Variants in SCAI observed in about 807,000 individuals in gnomAD.
SCAI encodes suppressor of cancer cell invasion, also known as protein SCAI.
SCAI carries 24 observed loss-of-function variants against 92.2 expected under a neutral mutation model. That is an observed-to-expected ratio of 0.26 (90% confidence interval 0.19 to 0.37). The LOEUF (loss-of-function observed/expected upper bound fraction) is 0.37, where lower values mean the gene tolerates loss of function less well. Ranked by LOEUF, SCAI falls within the 10% of genes least tolerant of loss-of-function variation. The pLI is 1.00. For missense variants in SCAI, 450 were observed against 736.2 expected (o/e 0.61, Z 4.50); for synonymous variants, 261 against 258.6 (o/e 1.01, Z -0.09).
chr9:124,991,552 T>C (rs1425939555), intron 14 of SCAI, among the ~76,000 whole-genome samples: 1 of 151,140 alleles, frequency 6.6e-6, no homozygotes, highest in Non-Finnish European at 1.5e-5. Context: ...CATTAAAAAC[T>C]TGCAGGTCGG....
chr9:125,025,777 AAGG>A (rs1190919259), intron 6 of SCAI, among the ~76,000 whole-genome samples: 1 of 152,240 alleles, frequency 6.6e-6, no homozygotes, highest in Non-Finnish European at 1.5e-5. Context: ...CAAGGAAATT[AAGG>A]AGATTTACAA....
intron 2 of SCAI, among the ~76,000 whole-genome samples, chr9:125,084,240 G>A (rs147258305): frequency 0.025 from 3,240 of 129,418 alleles, 133 homozygotes; most frequent in African/African-American, 0.091. Context: ...GCGCTATCTC[G>A]GCTCACTGCA....
chr9:124,948,794 C>T lies in SCAI; in HGVS notation c.*4013G>A, dbSNP rs1831191734. ...GAGAGACTATCAGAATCTCCAGGGA[C>T]AGTTTGTGCAATTTGAAAACAAAGG... On this transcript the variant is annotated 3_prime_UTR_variant, in exon 18 of 18. Transcript: ENST00000336505. 1 of 152,200 alleles carries T rather than the reference C, an allele frequency of 6.6e-6. No homozygotes were observed. The highest frequency in any genetic ancestry group is 6.5e-5 in the Admixed American group (1 of 15,280). The allele number at this position is 152,200 out of a possible 1,614,324, so 9.4% of individuals were successfully genotyped here. A position where few individuals can be genotyped will look rare whatever the true frequency, so the allele number is the denominator to read the frequency against.
chr9:125,131,694 T>A (rs1835404249), intron 2 of SCAI, among the ~76,000 whole-genome samples: 1 of 152,234 alleles, frequency 6.6e-6, no homozygotes, highest in Non-Finnish European at 1.5e-5. Flanking sequence ...AACTGAATTT[T>A]AGCTTTATGC....
intron 9 of SCAI, among the ~76,000 whole-genome samples, chr9:125,009,261 T>G (rs976496194): frequency 6.6e-6 from 1 of 152,186 alleles, no homozygotes; most frequent in Admixed American, 6.5e-5. Flanking sequence ...TTTACAGCTT[T>G]GGATTTTTAT....
intron 6 of SCAI, among the ~76,000 whole-genome samples, chr9:125,024,150 A>G (rs1035905550): frequency 2.0e-5 from 3 of 151,264 alleles, no homozygotes; most frequent in Non-Finnish European, 4.4e-5. Context: ...CTTTCCCCCT[A>G]CCTTTTATTG....
intron 3 of SCAI, among the ~76,000 whole-genome samples, chr9:125,030,174 A>T (rs970158152): frequency 6.6e-6 from 1 of 152,168 alleles, no homozygotes; most frequent in East Asian, 1.9e-4. Context: ...TCCTCTCCCT[A>T]TAAGATAAAT....
chr9:125,132,131 TGAGACAGCGTCATGC>T (rs1835415447), intron 2 of SCAI, among the ~76,000 whole-genome samples: 1 of 150,990 alleles, frequency 6.6e-6, no homozygotes. Context: ...TTTTTTTTTT[TGAGACAGCGTCATGC>T]TCTGTCACCC....
intron 2 of SCAI, among the ~76,000 whole-genome samples, chr9:125,090,596 T>C (rs1050591635): frequency 6.6e-6 from 1 of 152,166 alleles, no homozygotes; most frequent in African/African-American, 2.4e-5. Flanking sequence ...ACTGTCACTA[T>C]CCTAATCTAA....
intron 2 of SCAI, among the ~76,000 whole-genome samples, chr9:125,116,480 G>C (rs1325048389): frequency 6.6e-6 from 1 of 151,934 alleles, no homozygotes; most frequent in Non-Finnish European, 1.5e-5. Flanking sequence ...AACAGAAAAA[G>C]GGATACCAGG....
intron 2 of SCAI, among the ~76,000 whole-genome samples, chr9:125,114,595 C>A (rs576897447): frequency 6.6e-6 from 1 of 151,850 alleles, no homozygotes; most frequent in Admixed American, 6.6e-5. Context: ...AGCTATATAA[C>A]CTGAAGGACC....
intron 2 of SCAI, among the ~76,000 whole-genome samples, chr9:125,095,622 G>T (rs1834531928): frequency 6.6e-6 from 1 of 152,218 alleles, no homozygotes; most frequent in Non-Finnish European, 1.5e-5. Flanking sequence ...GGAACTAAAT[G>T]ATGGCCAGTG....
intron 6 of SCAI, among the ~76,000 whole-genome samples, chr9:125,021,665 A>C (rs756566050): frequency 1.3e-5 from 2 of 152,174 alleles, no homozygotes; most frequent in African/African-American, 4.8e-5. Context: ...GCCTTACAAC[A>C]GTGTATTTTT....
intron 2 of SCAI, among the ~76,000 whole-genome samples, chr9:125,095,415 A>G (rs924924486): frequency 6.6e-6 from 1 of 152,262 alleles, no homozygotes; most frequent in African/African-American, 2.4e-5. Context: ...AAGACAAAAA[A>G]TACATGCTTA....
At chr9:125,058,172 G>A (rs1435244897) in intron 2 of SCAI, among the ~76,000 whole-genome samples, 1 of 152,054 alleles carries the variant, frequency 6.6e-6, no homozygotes, top group African/African-American at 2.4e-5. Flanking sequence ...ACTTGGCAGA[G>A]AAGGGAGATG....
intron 3 of SCAI, among the ~76,000 whole-genome samples, chr9:125,041,457 T>C (rs1202743220): frequency 1.3e-5 from 2 of 152,230 alleles, no homozygotes; most frequent in Non-Finnish European, 2.9e-5. Context: ...TTAAGGATAC[T>C]ATCTAAAGTC....
intron 2 of SCAI, among the ~76,000 whole-genome samples, chr9:125,057,388 T>C (rs1159107140): frequency 6.6e-6 from 1 of 151,232 alleles, no homozygotes; most frequent in Non-Finnish European, 1.5e-5. Context: ...CAAATGAGAG[T>C]GAAGAAATAT....
chr9:125,085,208 C>T (rs567843472), intron 2 of SCAI, among the ~76,000 whole-genome samples: 9 of 152,270 alleles, frequency 5.9e-5, no homozygotes, highest in Non-Finnish European at 8.8e-5. Context: ...AAATAACAGA[C>T]GGGTGCGGTG....
intron 2 of SCAI, among the ~76,000 whole-genome samples, chr9:125,084,091 TA>T (rs1024902708): frequency 1.1e-4 from 16 of 141,598 alleles, no homozygotes; most frequent in African/African-American, 3.9e-4. Context: ...AATACAATAG[TA>T]AAAAAAATTT....
Sources: allele counts gnomAD v4.1 joint callset (sites outside exome capture counted in the v4.1 genomes callset), GRCh38; gene constraint gnomAD v4.1.1; transcripts MANE v1.5; gene names NCBI Gene and HGNC (gene_info 2026-07-23, HGNC 2026-07-21).